DAZAP1: variants seen among roughly 807,000 people sequenced by gnomAD.
The protein encoded by DAZAP1 is DAZ associated protein 1, also known as DAZ-associated protein 1.
Under a neutral mutation model 60.1 loss-of-function variants are expected in DAZAP1, and 6 were observed. That is an observed-to-expected ratio of 0.10 (90% CI 0.05 to 0.20). The LOEUF is 0.20. DAZAP1 is among the 10% of genes least tolerant of loss of function. The pLI is 1.00. For missense variants in DAZAP1, 366 were observed against 560.4 expected (o/e 0.65, Z 3.50); for synonymous variants, 235 against 215.9 (o/e 1.09, Z -0.78).
intron 8 of DAZAP1, among the ~76,000 whole-genome samples, chr19:1,429,208 T>C (rs1035484256): frequency 5.2e-4 from 79 of 152,348 alleles, no homozygotes; most frequent in African/African-American, 1.9e-3. Flanking sequence ...GGCCACGGCT[T>C]AGGTGCCCGT....
intron 4 of DAZAP1, among the ~76,000 whole-genome samples, chr19:1,420,589 CAGTG>C (rs910642840): frequency 3.3e-5 from 5 of 152,222 alleles, no homozygotes; most frequent in Non-Finnish European, 7.4e-5. Context: ...TCTGGCCACC[CAGTG>C]AGCGCCGAGG....
chr19:1,433,699 G>C lies in DAZAP1; in HGVS notation c.1048+1009G>C, dbSNP rs767722925. ...TGTGTCAGCCGCTGCTCTTGGTGGC[G>C]GCTGCTTGGGTTGGTCACCCTGGTC... On this transcript the variant is annotated intron_variant, in intron 11 of 11. Transcript: ENST00000233078. The surrounding 1 kb of genome is among the most constrained non-coding windows in gnomAD (Gnocchi z 6.1). 1.9e-6 allele frequency: 3 copies of C among 1,560,420 alleles called. No individual in the cohort carries two copies. In the Admixed American group the frequency reaches 5.0e-5, roughly 26 times the overall value.
In DAZAP1 at chr19:1,418,585, G is replaced by C; in HGVS notation, c.238-81G>C. 2 of 1,565,738 alleles carry C rather than the reference G, an allele frequency of 1.3e-6. No individual in the cohort carries two copies. Among genetic ancestry groups the C allele is most frequent in the South Asian group, 1.1e-5 (1 of 89,866 alleles). On this transcript the variant is annotated intron_variant, in intron 3 of 11. Coordinates refer to ENST00000233078, the MANE Select transcript of DAZAP1 (RefSeq NM_018959.4). The surrounding 1 kb of genome is among the most constrained non-coding windows in gnomAD (Gnocchi z 5.7). The stretch of plus-strand genomic sequence containing the variant: ...GCGGGGCGGGCCGGGCTGCTGTGCC[G>C]TGGCTGCTGTTGTGCTGACACCCTC...
At chr19:1,420,115 GAAACCATCCC>G (rs2083111741) in intron 4 of DAZAP1, among the ~76,000 whole-genome samples, 5 of 116,906 alleles carry the variant, frequency 4.3e-5, no homozygotes, top group African/African-American at 1.7e-4. Context: ...GCACACTCAT[GAAACCATCCC>G]GAACGTCACG....
At chr19:1,415,117 T>A (rs969185617) in intron 1 of DAZAP1, among the ~76,000 whole-genome samples, 1 of 152,050 alleles carries the variant, frequency 6.6e-6, no homozygotes, top group African/African-American at 2.4e-5. Flanking sequence ...CTGTTTCAGG[T>A]TTCTCAGCTG....
intron 1 of DAZAP1, among the ~76,000 whole-genome samples, chr19:1,415,394 G>GT (rs3837987): frequency 0.064 from 4,479 of 69,806 alleles, 300 homozygotes; most frequent in East Asian, 0.32. Flanking sequence ...TGTGTGTTTT[G>GT]TTTTTTTTTT....
chr19:1,431,374 C>T (rs552373482), intron 10 of DAZAP1, among the ~76,000 whole-genome samples: 2 of 151,502 alleles, frequency 1.3e-5, no homozygotes, highest in Non-Finnish European at 2.9e-5. Flanking sequence ...CGTGATTCGC[C>T]CGCCTCGGCC....
intron 1 of DAZAP1, among the ~76,000 whole-genome samples, chr19:1,411,037 C>T (rs906243238): frequency 6.6e-6 from 1 of 152,204 alleles, no homozygotes; most frequent in Non-Finnish European, 1.5e-5. Flanking sequence ...GGGCTCCTGG[C>T]TGGGCCCCTA....
rs2083149252 is a variant in DAZAP1 at position 1,421,319 on chromosome 19, G to T, written c.414+61G>T. On this transcript the variant is annotated intron_variant, in intron 5 of 11. Transcript: ENST00000233078. The stretch of plus-strand genomic sequence containing the variant: ...CAGAGCCGCTTCTGCTCAGGCCTGG[G>T]CCTTCTTGGGGCTGGAGTGGCCGAG... 5 of 1,495,588 alleles carry T rather than the reference G, an allele frequency of 3.3e-6. No homozygotes were observed. The South Asian group carries it at 5.7e-5, about 17-fold the overall frequency. 92.6% of individuals were successfully genotyped at this position (1,495,588 alleles called of 1,614,324 possible).
chr19:1,432,675 C>T lies in DAZAP1; in HGVS notation c.1033C>T (p.Pro345Ser), dbSNP rs750527274. Residue 345 changes from proline (P) to serine (S), a missense_variant, in exon 11 of 12, where the codon CCC (proline) becomes TCC (serine). Around this residue, in one of 3 missense-constraint regions of DAZAP1, gnomAD observed 240 missense variants for 308.8 expected, o/e 0.78. Coordinates refer to ENST00000233078, the MANE Select transcript of DAZAP1 (RefSeq NM_018959.4). The surrounding 1 kb of genome is among the most constrained non-coding windows in gnomAD (Gnocchi z 4.9). ...SKPPTAQPDF[P>S]YGQYAGYGQD... is the part of the protein sequence containing the mutation. ...GCCCCCGACAGCTCAGCCAGACTTC[C>T]CCTATGGTCAGTATGGTAAGTGGTC... The T allele has an allele frequency of 1.9e-6, 3 of 1,607,896 alleles. No individual in the cohort carries two copies. Among genetic ancestry groups the T allele is most frequent in the South Asian group, 1.1e-5 (1 of 90,234 alleles).
intron 1 of DAZAP1, among the ~76,000 whole-genome samples, chr19:1,408,881 T>C (rs1419443200): frequency 1.3e-5 from 2 of 152,160 alleles, no homozygotes; most frequent in East Asian, 3.9e-4. Context: ...ACAGTCTGGG[T>C]TGGGTTTCCT....
Position 1,433,837 on chromosome 19 carries a change from G to A in DAZAP1, c.1049-900G>A. ...CAGTGATGTGGCCTAGGTAGGTGCC[G>A]CCTCCTTCTCCAGGGTCCTCCCACC... On this transcript the variant is annotated intron_variant, in intron 11 of 11. Coordinates refer to ENST00000233078, the MANE Select transcript of DAZAP1 (RefSeq NM_018959.4). This position sits in a 1 kb window ranked among gnomAD's most constrained non-coding sequence, Gnocchi z 6.1. The A allele has an allele frequency of 4.3e-6, 7 of 1,612,112 alleles. No homozygotes were observed. The highest frequency in any genetic ancestry group is 1.1e-5 in the South Asian group (1 of 91,048).
In DAZAP1 at chr19:1,418,116, G is replaced by C; in HGVS notation, c.71-88G>C. 7.2e-7 allele frequency: 1 copy of C among 1,391,724 alleles called. No individual in the cohort carries two copies. Among genetic ancestry groups the C allele is most frequent in the East Asian group, 2.3e-5 (1 of 43,500 alleles). The allele number at this position is 1,391,724 out of a possible 1,614,324, so 86.2% of individuals were successfully genotyped here. On this transcript the variant is annotated intron_variant, in intron 2 of 11. Transcript: ENST00000233078. This position sits in a 1 kb window ranked among gnomAD's most constrained non-coding sequence, Gnocchi z 5.7. ...CGCTCGGTGCGTGGCTGGTGGACTG[G>C]AGGAGTGTGCGTGCCGGCAGCACTG...
At position 1,423,448 on chromosome 19, in the gene DAZAP1, T is replaced by C. The variant is rs2083218111; in HGVS notation, c.463+1052T>C. Among the ~76,000 whole-genome samples, 1 of 152,256 alleles carries C rather than the reference T, an allele frequency of 6.6e-6. No homozygotes were observed. Among genetic ancestry groups the C allele is most frequent in the African/African-American group, 2.4e-5 (1 of 41,472 alleles). The stretch of plus-strand genomic sequence containing the variant: ...TCTCTTCTCCAGGTGCTAAATTATA[T>C]CACACAGGTACAGGCCAGTCCCGCA... On this transcript the variant is annotated intron_variant, in intron 6 of 11. Coordinates refer to ENST00000233078, the MANE Select transcript of DAZAP1 (RefSeq NM_018959.4). This position sits in a 1 kb window ranked among gnomAD's most constrained non-coding sequence, Gnocchi z 6.8.
At chr19:1,411,841 T>C (rs148661077) in intron 1 of DAZAP1, among the ~76,000 whole-genome samples, 59 of 152,358 alleles carry the variant, frequency 3.9e-4, no homozygotes, top group Non-Finnish European at 6.9e-4. Flanking sequence ...CAGGCGGCTA[T>C]GTTCATGGTG....
At position 1,435,347 on chromosome 19, in the gene DAZAP1, G is replaced by A. The variant is rs1234245227; in HGVS notation, c.*435G>A. On this transcript the variant is annotated 3_prime_UTR_variant, in exon 12 of 12. Coordinates refer to ENST00000233078, the MANE Select transcript of DAZAP1 (RefSeq NM_018959.4). The stretch of plus-strand genomic sequence containing the variant: ...GGCTTATTTTTTAATTTAAAACGGG[G>A]TTTCCGTCGGCACTGGTGGAGGGGG... 6.6e-6 allele frequency: 1 copy of A among 152,400 alleles called. No individual in the cohort carries two copies. The highest frequency in any genetic ancestry group is 1.5e-5 in the Non-Finnish European group (1 of 68,082). 9.4% of individuals were successfully genotyped at this position (152,400 alleles called of 1,614,324 possible).
chr19:1,420,610 G>A (rs1290714712), intron 4 of DAZAP1, among the ~76,000 whole-genome samples: 1 of 152,180 alleles, frequency 6.6e-6, no homozygotes, highest in Non-Finnish European at 1.5e-5. Context: ...GAGGCCCCGG[G>A]AAGTGGTGCC....
At chr19:1,429,360 T>TA (rs1339307145) in intron 8 of DAZAP1, among the ~76,000 whole-genome samples, 1 of 152,222 alleles carries the variant, frequency 6.6e-6, no homozygotes, top group Non-Finnish European at 1.5e-5. Flanking sequence ...GTGCTGCCCC[T>TA]GGGGGGCTTG....
rs1418163680 is a variant in DAZAP1, at chr19:1,423,229, ACCTC to A, written c.463+840_463+843del. On this transcript the variant is annotated intron_variant, in intron 6 of 11. Coordinates refer to ENST00000233078, the MANE Select transcript of DAZAP1 (RefSeq NM_018959.4). This position sits in a 1 kb window ranked among gnomAD's most constrained non-coding sequence, Gnocchi z 6.8. ...TGCTGGAGCATAGTTTGCCATTTGA[ACCTC>A]CCTCCCCACGGTTAGGAGTGCTCCT... 1.3e-5 allele frequency among the ~76,000 whole-genome samples: 2 copies of A among 150,950 alleles called. No homozygotes were observed. Among genetic ancestry groups the A allele is most frequent in the East Asian group, 3.9e-4 (2 of 5,124 alleles).
Sources: allele counts gnomAD v4.1 joint callset (sites outside exome capture counted in the v4.1 genomes callset), GRCh38; gene constraint gnomAD v4.1.1; regional missense constraint gnomAD v4.1.1; non-coding constraint Gnocchi (gnomAD v3.1); transcripts MANE v1.5; gene names NCBI Gene and HGNC (gene_info 2026-07-23, HGNC 2026-07-21).